The following SPRED2 variants were observed in gnomAD, a reference collection of about 807,000 sequenced individuals.
SPRED2 encodes the protein sprouty related EVH1 domain containing 2.
Under a neutral mutation model 43.0 loss-of-function variants are expected in SPRED2, and 47 were observed. The ratio of observed to expected loss-of-function variants is 1.09; its 90% CI spans 0.87 to 1.40. SPRED2 has a LOEUF of 1.40. SPRED2 is among the 40% of genes most tolerant of loss of function. SPRED2 has a pLI of 0.00. For missense variants in SPRED2, 561 were observed against 586.4 expected (o/e 0.96, Z 0.45); for synonymous variants, 225 against 225.7 (o/e 1.00, Z 0.03).
rs201064965 is a variant in SPRED2 at position 65,344,804 on chromosome 2, C to T, written c.119G>A (p.Arg40His). The change falls in exon 2 of 6, where the codon CGC (arginine) becomes CAC (histidine). Residue 40 changes from arginine (R) to histidine (H), a missense_variant. Arg to His is a conservative substitution (Grantham distance 29, BLOSUM62 0). Transcript: ENST00000356388. ...WFPQEGGGIS[R>H]VGVCKVMHPE... The stretch of plus-strand genomic sequence containing the variant: ...GTGCATGACCTTACAGACCCCGACG[C>T]GACTGATCCCGCCTCCTTCCTGTGG... 5.0e-6 allele frequency: 8 copies of T among 1,614,028 alleles called. No homozygotes were observed. The highest frequency in any genetic ancestry group is 4.5e-5 in the East Asian group (2 of 44,894).
At chr2:65,327,795 C>T (rs1673681825) in intron 4 of SPRED2, among the ~76,000 whole-genome samples, 1 of 138,588 alleles carries the variant, frequency 7.2e-6, no homozygotes, top group Non-Finnish European at 1.5e-5. Context: ...GCGGTCTCGG[C>T]TCACTGCAAC....
At chr2:65,377,504 G>T (rs568837406) in intron 1 of SPRED2, 1 of 457,220 alleles carries the variant, frequency 2.2e-6, no homozygotes, top group Non-Finnish European at 4.6e-6. Flanking sequence ...AAGCTGCAGC[G>T]TCTGACTCTA....
chr2:65,354,178 C>T (rs975797257), intron 1 of SPRED2, among the ~76,000 whole-genome samples: 5 of 152,214 alleles, frequency 3.3e-5, no homozygotes, highest in African/African-American at 1.2e-4. Flanking sequence ...AGCCTGGGAG[C>T]CCTGAGTGAC....
intron 1 of SPRED2, among the ~76,000 whole-genome samples, chr2:65,376,695 CT>C (rs1356673461): frequency 6.6e-6 from 1 of 152,122 alleles, no homozygotes; most frequent in Non-Finnish European, 1.5e-5. Context: ...CTAGACCTTG[CT>C]GTTTATCTCT....
At chr2:65,364,506 A>C (rs1294098608) in intron 1 of SPRED2, among the ~76,000 whole-genome samples, 2 of 152,224 alleles carry the variant, frequency 1.3e-5, no homozygotes, top group Non-Finnish European at 2.9e-5. Flanking sequence ...ACAGTGCTTA[A>C]CAGCAAAGGG....
intron 1 of SPRED2, among the ~76,000 whole-genome samples, chr2:65,407,753 G>A (rs1272529723): frequency 5.3e-5 from 8 of 152,170 alleles, no homozygotes; most frequent in Admixed American, 5.2e-4. Flanking sequence ...AGAAAAGGGT[G>A]GGAAAGGTGG....
intron 2 of SPRED2, among the ~76,000 whole-genome samples, chr2:65,341,774 GT>G (rs1042809236): frequency 6.6e-5 from 10 of 152,118 alleles, no homozygotes; most frequent in Middle Eastern, 3.2e-3. Flanking sequence ...GCCACTTTAG[GT>G]TGAAGTATTC....
rs1673434875 is a variant in SPRED2 at position 65,322,228 on chromosome 2, TC to T, written c.439-5346del. ...TCACAAAAGATAGTTTGGTCTCCTT[TC>T]CTCTCTCTCTCTCTCTCTCTCTCTC... On this transcript the variant is annotated intron_variant, in intron 4 of 5. Transcript: ENST00000356388. Among the ~76,000 whole-genome samples, 3 of 84,396 alleles carry T rather than the reference TC, an allele frequency of 3.6e-5. No individual in the cohort carries two copies. In the South Asian group the frequency reaches 1.5e-3, roughly 42 times the overall value. 55.4% of individuals were successfully genotyped at this position (84,396 alleles called of 152,430 possible).
At chr2:65,411,882 A>C (rs1472276383) in intron 1 of SPRED2, among the ~76,000 whole-genome samples, 1 of 152,154 alleles carries the variant, frequency 6.6e-6, no homozygotes, top group East Asian at 1.9e-4. Context: ...TAATCCCAGC[A>C]CTTTGGGGGC....
Position 65,344,761 on chromosome 2 carries a change from TC to T in SPRED2, c.161del (p.Arg54GlnfsTer22). The stretch of plus-strand genomic sequence containing the variant: ...GTTCACCATGGATGAGAAAGCCGCT[TC>T]GTCCATTGCCTTCGGGGTGCATGAC... ...CKVMHPEGNG[R>X]SGFLIHGERQ... On this transcript the variant is annotated frameshift_variant, in exon 2 of 6. Transcript: ENST00000356388. LOFTEE classifies it high-confidence loss of function. 2 of 1,614,216 alleles carry T rather than the reference TC, an allele frequency of 1.2e-6. No homozygotes were observed. The highest frequency in any genetic ancestry group is 8.5e-7 in the Non-Finnish European group (1 of 1,180,028).
intron 1 of SPRED2, among the ~76,000 whole-genome samples, chr2:65,386,948 C>T (rs550724269): frequency 1.6e-4 from 24 of 150,454 alleles, no homozygotes; most frequent in East Asian, 3.9e-4. Context: ...AGAACTCACA[C>T]GGATGAACAG....
chr2:65,362,745 C>T (rs2104318852), intron 1 of SPRED2, among the ~76,000 whole-genome samples: 1 of 151,994 alleles, frequency 6.6e-6, no homozygotes, highest in African/African-American at 2.4e-5. Flanking sequence ...GTAATCCTAG[C>T]TACTTGGGAG....
At chr2:65,428,171 G>A (rs1245245757) in intron 1 of SPRED2, among the ~76,000 whole-genome samples, 1 of 152,160 alleles carries the variant, frequency 6.6e-6, no homozygotes, top group Non-Finnish European at 1.5e-5. Flanking sequence ...GAGCCACATA[G>A]GGCACCTGTT....
At chr2:65,365,587 G>A (rs373695241) in intron 1 of SPRED2, among the ~76,000 whole-genome samples, 2 of 152,320 alleles carry the variant, frequency 1.3e-5, no homozygotes, top group African/African-American at 4.8e-5. Flanking sequence ...ACACTGGGCT[G>A]CTCCACAAAT....
chr2:65,366,705 G>T (rs1572873975), intron 1 of SPRED2: 1 of 1,527,016 alleles, frequency 6.5e-7, no homozygotes, highest in East Asian at 2.5e-5. Flanking sequence ...CTGAGAACCA[G>T]CTGGCTGCCT....
At chr2:65,331,770 G>A (rs1404633991) in intron 4 of SPRED2, among the ~76,000 whole-genome samples, 2 of 152,218 alleles carry the variant, frequency 1.3e-5, no homozygotes, top group Non-Finnish European at 2.9e-5. Context: ...TGACACTGCT[G>A]TGCTGTGTGG....
intron 1 of SPRED2, among the ~76,000 whole-genome samples, chr2:65,352,227 G>A (rs1360608588): frequency 6.6e-6 from 1 of 152,260 alleles, no homozygotes; most frequent in Non-Finnish European, 1.5e-5. Context: ...AAACATGGAT[G>A]AGCAGGCACT....
chr2:65,318,990 T>C (rs898919084), intron 4 of SPRED2, among the ~76,000 whole-genome samples: 11 of 152,320 alleles, frequency 7.2e-5, no homozygotes, highest in Middle Eastern at 6.8e-3. Context: ...TCATAAATCA[T>C]TTTAGGGACA....
chr2:65,430,914 G>A (rs1308817462), intron 1 of SPRED2, among the ~76,000 whole-genome samples: 1 of 151,950 alleles, frequency 6.6e-6, no homozygotes, highest in Non-Finnish European at 1.5e-5. Context: ...GAGCAGCAGC[G>A]GCGGCCGCCG....
Sources: gnomAD v4.1 joint callset for allele counts (sites outside exome capture counted in the v4.1 genomes callset) on GRCh38, gnomAD v4.1.1 for gene constraint, MANE v1.5 for transcripts, NCBI Gene and HGNC (gene_info 2026-07-23, HGNC 2026-07-21) for gene names.